NOSTRIN: variants seen among roughly 807,000 people sequenced by gnomAD.
The protein encoded by NOSTRIN is nitric oxide synthase trafficking.
In NOSTRIN, 63 loss-of-function variants were observed where a neutral mutation model predicts 59.0. The ratio of observed to expected loss-of-function variants is 1.07; its 90% confidence interval spans 0.87 to 1.32. NOSTRIN has a LOEUF of 1.32. Among genes scored for constraint, NOSTRIN ranks in the 40% most tolerant of loss-of-function variants. The pLI is 0.00. For missense variants in NOSTRIN, 512 were observed against 473.1 expected (o/e 1.08, Z -0.76); for synonymous variants, 200 against 165.4 (o/e 1.21, Z -1.61).
intron 2 of NOSTRIN, among the ~76,000 whole-genome samples, chr2:168,820,861 G>C (rs1051364567): frequency 2.0e-4 from 30 of 152,050 alleles, no homozygotes; most frequent in African/African-American, 7.2e-4. Context: ...TCCTTTTTAG[G>C]TCTGCTTAGC....
intron 1 of NOSTRIN, among the ~76,000 whole-genome samples, chr2:168,804,437 A>G (rs546124319): frequency 2.0e-5 from 3 of 152,174 alleles, no homozygotes; most frequent in Non-Finnish European, 4.4e-5. Context: ...TTTATTTGCA[A>G]TTGTTTCATC....
chr2:168,850,759 C>G (rs1031384842), intron 8 of NOSTRIN: 21 of 352,562 alleles, frequency 6.0e-5, no homozygotes, highest in Non-Finnish European at 9.1e-5. Context: ...CTGAAATTCT[C>G]TGGAATTCTC....
intron 1 of NOSTRIN, among the ~76,000 whole-genome samples, chr2:168,806,728 G>T (rs1574258136): frequency 6.6e-6 from 1 of 152,206 alleles, no homozygotes; most frequent in East Asian, 1.9e-4. Context: ...AATTCATATG[G>T]AGATGTAGAA....
At chr2:168,850,904 A>C in intron 8 of NOSTRIN, 180 bp from the exon 9 acceptor site, 1 of 798,204 alleles carries the variant, frequency 1.3e-6, no homozygotes, top group African/African-American at 1.7e-5. Context: ...TGAGTGATTT[A>C]AGATACCAAG....
intron 2 of NOSTRIN, among the ~76,000 whole-genome samples, chr2:168,816,344 A>T (rs937938940): frequency 6.6e-6 from 1 of 152,164 alleles, no homozygotes; most frequent in Non-Finnish European, 1.5e-5. Context: ...GATAAAATTT[A>T]GCCCTCATCA....
chr2:168,791,514 G>C (rs1685351786), intron 2 of NOSTRIN, among the ~76,000 whole-genome samples: 1 of 152,112 alleles, frequency 6.6e-6, no homozygotes, highest in Non-Finnish European at 1.5e-5. Flanking sequence ...CCCAGTAATG[G>C]CATGGCTGGG....
intron 3 of NOSTRIN, among the ~76,000 whole-genome samples, chr2:168,825,632 A>G (rs1687019950): frequency 6.6e-6 from 1 of 152,212 alleles, no homozygotes. Context: ...TCTTTTCAAT[A>G]TATTGCAGCA....
intron 12 of NOSTRIN, 139 bp from the exon 13 acceptor site, chr2:168,859,373 G>T: frequency 6.8e-6 from 9 of 1,318,946 alleles, no homozygotes; most frequent in African/African-American, 4.5e-5. Context: ...TTTTCCTTCG[G>T]CATTTTCTGT....
upstream of NOSTRIN, among the ~76,000 whole-genome samples, chr2:168,798,980 C>T (rs1477728706): frequency 6.6e-6 from 1 of 152,272 alleles, no homozygotes; most frequent in East Asian, 1.9e-4. Flanking sequence ...CACCTAGAAG[C>T]AATCATGTAA....
chr2:168,852,199 C>T (rs1271871493), intron 10 of NOSTRIN, among the ~76,000 whole-genome samples: 1 of 152,160 alleles, frequency 6.6e-6, no homozygotes, highest in Non-Finnish European at 1.5e-5. Flanking sequence ...GAGGGAAGAT[C>T]ACCCAAAGGC....
rs189818860 is a variant in NOSTRIN at position 168,824,085 on chromosome 2, A to G, written c.114-549A>G. Among the ~76,000 whole-genome samples the G allele has an allele frequency of 3.1e-3, 477 of 152,266 alleles. 1 individual carries two copies. The highest frequency in any genetic ancestry group is 4.5e-3 in the Non-Finnish European group (308 of 68,014). On this transcript the variant is annotated intron_variant, in intron 2 of 15. Transcript: ENST00000317647. ...AGGGAAACTCCATCTCAAAACAAAA[A>G]ACAAAAAAACAAAAACAGAAACCTC... is the stretch of plus-strand genomic sequence containing the variant.
At chr2:168,858,906 G>A (rs781244619) in intron 12 of NOSTRIN, among the ~76,000 whole-genome samples, 1 of 152,184 alleles carries the variant, frequency 6.6e-6, no homozygotes, top group Non-Finnish European at 1.5e-5. Flanking sequence ...TAATTATAAA[G>A]TTTCTAGTTC....
At chr2:168,806,863 T>G (rs1685875218) in intron 1 of NOSTRIN, among the ~76,000 whole-genome samples, 1 of 152,200 alleles carries the variant, frequency 6.6e-6, no homozygotes, top group African/African-American at 2.4e-5. Flanking sequence ...CAGCAAGCTC[T>G]TCTTCTTGTG....
intron 6 of NOSTRIN, among the ~76,000 whole-genome samples, chr2:168,832,183 A>G (rs1687404804): frequency 6.6e-6 from 1 of 151,814 alleles, no homozygotes; most frequent in Admixed American, 6.6e-5. Context: ...TTTTCAAGTA[A>G]TTTAAAATTT....
chr2:168,833,539 A>G (rs1687491979), intron 6 of NOSTRIN, among the ~76,000 whole-genome samples: 2 of 152,250 alleles, frequency 1.3e-5, no homozygotes, highest in African/African-American at 4.8e-5. Context: ...TTCTGTTTGC[A>G]TAATTTATCT....
intron 15 of NOSTRIN, among the ~76,000 whole-genome samples, chr2:168,862,790 A>ATGTT (rs1689549224): frequency 6.6e-6 from 1 of 152,332 alleles, no homozygotes; most frequent in East Asian, 1.9e-4. Context: ...CCATGTTTGA[A>ATGTT]TGTTAGCGCT....
At position 168,802,652 on chromosome 2, in the gene NOSTRIN, G is replaced by C. The variant is rs1685653331; in HGVS notation, c.6G>C (p.Arg2Ser). ...AAAGCCAGACACATTTCAACATGAG[G>C]GACCCACTGACAGATTGTCCGGTGA... M[R>S]DPLTDCPYNK... The change falls in exon 1 of 16, where the codon AGG becomes AGC. Residue 2 changes from arginine to serine, a missense_variant. Physicochemically the swap from Arg to Ser is moderately radical, Grantham distance 110. Coordinates refer to ENST00000317647, the MANE Select transcript of NOSTRIN (RefSeq NM_001039724.4). 1 of 869,462 alleles carries C rather than the reference G, an allele frequency of 1.2e-6. No individual in the cohort carries two copies. The highest frequency in any genetic ancestry group is 2.0e-6 in the Non-Finnish European group (1 of 500,806). The allele number at this position is 869,462 out of a possible 1,614,324, so 53.9% of individuals were successfully genotyped here.
rs112472394 is a variant in NOSTRIN at position 168,789,316 on chromosome 2, T to C, written c.-473+1268T>C. Reference sequence around the variant, plus strand: ...CTGGGTAATGTATAAAGGAAAGAGGTTTAATAGGCTCACAGTTCCACATGG... The same window carrying C: ...CTGGGTAATGTATAAAGGAAAGAGGCTTAATAGGCTCACAGTTCCACATGG... On this transcript the variant is annotated intron_variant, in intron 2 of 20. Transcript: ENST00000458381. Among the ~76,000 whole-genome samples, 1,388 of 152,118 alleles carry C rather than the reference T, an allele frequency of 9.1e-3. 29 individuals carry two copies. The highest frequency in any genetic ancestry group is 0.03 in the African/African-American group (1,265 of 41,490).
intron 2 of NOSTRIN, among the ~76,000 whole-genome samples, chr2:168,819,071 AT>A (rs1686577370): frequency 6.6e-6 from 1 of 152,194 alleles, no homozygotes; most frequent in African/African-American, 2.4e-5. Flanking sequence ...GGGCTAGAGA[AT>A]TAAGCACAAT....
Sources: allele counts gnomAD v4.1 joint callset (sites outside exome capture counted in the v4.1 genomes callset), GRCh38; gene constraint gnomAD v4.1.1; transcripts MANE v1.5; gene names NCBI Gene and HGNC (gene_info 2026-07-23, HGNC 2026-07-21).